EVL: variants seen among roughly 807,000 people sequenced by gnomAD.
EVL encodes the protein ena/VASP-like protein.
A neutral mutation model predicts 59.6 loss-of-function variants in EVL; 21 were observed. The observed-to-expected ratio is 0.35, with a 90% CI of 0.25 to 0.51. EVL has a LOEUF of 0.51. Ranked by LOEUF, EVL falls within the 20% of genes least tolerant of loss-of-function variation. The probability of loss-of-function intolerance (pLI) is 0.97; values close to 1 mark genes in which losing one functional copy is unlikely to be tolerated. For missense variants in EVL, 462 were observed against 546.6 expected, an observed-to-expected ratio of 0.85 and a Z score of 1.54; for synonymous variants, 198 against 203.5, an observed-to-expected ratio of 0.97 and a Z score of 0.23.
intron 1 of EVL, among the ~76,000 whole-genome samples, chr14:99,989,448 C>G (rs2060861696): frequency 6.6e-6 from 1 of 152,108 alleles, no homozygotes; most frequent in Non-Finnish European, 1.5e-5. Flanking sequence ...TTAATATTTT[C>G]TTCTTAGGTT....
rs896631848 is a variant in EVL, at chr14:100,141,312, G to A, written c.1161+66G>A. On this transcript the variant is annotated intron_variant, in intron 12 of 13. Transcript: ENST00000392920. ...AGCCAGCAGGCGGGGGACCGTCTCT[G>A]ACCAGCATGGCCAGGCAGGCCCTGG... The A allele has an allele frequency of 2.5e-6, 4 of 1,568,634 alleles. No individual in the cohort carries two copies. In the African/African-American group the frequency reaches 5.4e-5, roughly 21 times the overall value.
intron 1 of EVL, among the ~76,000 whole-genome samples, chr14:100,059,452 CAA>C (rs561988180): frequency 7.2e-5 from 11 of 152,144 alleles, no homozygotes; most frequent in Non-Finnish European, 1.3e-4. Flanking sequence ...TGTGACAGGG[CAA>C]AGACAGCAGA....
chr14:100,058,406 T>G (rs1403315421), intron 1 of EVL, among the ~76,000 whole-genome samples: 1 of 152,238 alleles, frequency 6.6e-6, no homozygotes, highest in Non-Finnish European at 1.5e-5. Flanking sequence ...CATCTATGCA[T>G]AGTTATTCAT....
At chr14:100,024,341 G>A (rs1209509) in intron 1 of EVL, among the ~76,000 whole-genome samples, 7 of 152,202 alleles carry the variant, frequency 4.6e-5, no homozygotes, top group Admixed American at 3.3e-4. Context: ...CCATCCAAGT[G>A]TCAAGAGCCC....
intron 1 of EVL, among the ~76,000 whole-genome samples, chr14:100,010,953 G>A (rs1038129038): frequency 1.3e-5 from 2 of 152,182 alleles, no homozygotes; most frequent in African/African-American, 4.8e-5. Context: ...CTGAGGACTG[G>A]AAGTTTTGGA....
intron 1 of EVL, among the ~76,000 whole-genome samples, chr14:100,005,229 A>G (rs1217259088): frequency 6.6e-6 from 1 of 152,262 alleles, no homozygotes; most frequent in African/African-American, 2.4e-5. Flanking sequence ...TAAAGACAAC[A>G]GCAGTCCTTT....
chr14:100,122,087 G>A (rs1055506762), intron 3 of EVL, among the ~76,000 whole-genome samples: 3 of 152,218 alleles, frequency 2.0e-5, no homozygotes, highest in African/African-American at 7.2e-5. Context: ...AGTCCCGGAC[G>A]TGGAGCTGAA....
intron 2 of EVL, among the ~76,000 whole-genome samples, chr14:100,086,621 C>T (rs2062449480): frequency 6.6e-6 from 1 of 152,228 alleles, no homozygotes; most frequent in Non-Finnish European, 1.5e-5. Flanking sequence ...GGGACCTCAG[C>T]ACCTCACAGC....
chr14:100,041,988 G>A (rs1327736231), intron 1 of EVL, among the ~76,000 whole-genome samples: 1 of 152,066 alleles, frequency 6.6e-6, no homozygotes, highest in Non-Finnish European at 1.5e-5. Context: ...GCCACAAATG[G>A]GAGCTGCATG....
chr14:100,095,219 G>A (rs1050343777), intron 2 of EVL, among the ~76,000 whole-genome samples: 2 of 152,136 alleles, frequency 1.3e-5, no homozygotes, highest in Admixed American at 6.5e-5. Flanking sequence ...AACCATTCCT[G>A]ATATAAGGTG....
chr14:100,061,820 T>C (rs953292384), upstream of EVL, among the ~76,000 whole-genome samples: 12 of 152,182 alleles, frequency 7.9e-5, no homozygotes, highest in Non-Finnish European at 1.3e-4. Flanking sequence ...GGTGAAAATA[T>C]GTTTTCATTA....
chr14:100,094,909 C>T (rs2140316206), intron 2 of EVL, among the ~76,000 whole-genome samples: 1 of 151,888 alleles, frequency 6.6e-6, no homozygotes, highest in South Asian at 2.1e-4. Context: ...GGCGTGGTGG[C>T]AGGCGTCTAT....
rs187622288 is a variant in EVL, at chr14:100,054,031, C to T, written c.6-30656C>T. Among the ~76,000 whole-genome samples, 445 of 141,918 alleles carry T rather than the reference C, an allele frequency of 3.1e-3. 2 individuals are homozygous for T. Among genetic ancestry groups the T allele is most frequent in the African/African-American group, 0.011 (441 of 38,380 alleles). The allele number at this position is 141,918 out of a possible 152,430, so 93.1% of individuals were successfully genotyped here. A position where few individuals can be genotyped will look rare whatever the true frequency, so the allele number is the denominator to read the frequency against. ...CACTCTGTATCAATCATATTTTTTG[C>T]ATTTTATTATTTTTGGACTTTTTTT... On this transcript the variant is annotated intron_variant, in intron 1 of 13. Transcript: ENST00000402714.
intron 1 of EVL, among the ~76,000 whole-genome samples, chr14:100,043,307 G>GTGTATA (rs546070942): frequency 6.7e-6 from 1 of 149,994 alleles, no homozygotes; most frequent in Non-Finnish European, 1.5e-5. Context: ...GTGTGTGTGT[G>GTGTATA]TGTATATGTA....
rs142120622 is a variant in EVL, at chr14:100,137,921, C to T, written c.1094+119C>T. The T allele has an allele frequency of 8.1e-5, 82 of 1,012,848 alleles. No homozygotes were observed. The East Asian group carries it at 1.0e-3, about 12-fold the overall frequency. The allele number at this position is 1,012,848 out of a possible 1,614,324, so 62.7% of individuals were successfully genotyped here. A position where few individuals can be genotyped will look rare whatever the true frequency, so the allele number is the denominator to read the frequency against. On this transcript the variant is annotated intron_variant, in intron 11 of 13. Transcript: ENST00000392920. ...TCCTGGCATTTAACAACTTGCTCTG[C>T]GAAGGTGGTCTGTTCTTTCAGACCC...
chr14:100,023,921 A>C (rs1020162833), intron 1 of EVL, among the ~76,000 whole-genome samples: 50 of 152,310 alleles, frequency 3.3e-4, no homozygotes, highest in East Asian at 5.8e-4. Flanking sequence ...AACAGTGCCT[A>C]CATTTCCTTA....
chr14:99,981,072 CA>C (rs750621318), intron 1 of EVL, among the ~76,000 whole-genome samples: 3,251 of 125,800 alleles, frequency 0.026, 94 homozygotes, highest in African/African-American at 0.08. Flanking sequence ...GATCCTATCT[CA>C]AAAAAAAAAA....
intron 1 of EVL, among the ~76,000 whole-genome samples, chr14:100,043,135 A>T (rs2061491292): frequency 6.6e-6 from 1 of 152,106 alleles, no homozygotes; most frequent in Admixed American, 6.6e-5. Context: ...GGTTTTATAG[A>T]TCACTGAAAT....
intron 2 of EVL, among the ~76,000 whole-genome samples, chr14:100,092,345 T>C (rs1219073901): frequency 6.6e-6 from 1 of 152,210 alleles, no homozygotes; most frequent in Non-Finnish European, 1.5e-5. Flanking sequence ...TTCATAACAG[T>C]TGTATTCATA....
Sources: allele counts gnomAD v4.1 joint callset (sites outside exome capture counted in the v4.1 genomes callset), GRCh38; gene constraint gnomAD v4.1.1; transcripts MANE v1.5; gene names NCBI Gene and HGNC (gene_info 2026-07-23, HGNC 2026-07-21).